The following KREMEN1 variants were observed in gnomAD, a reference collection of about 807,000 sequenced individuals.
The protein encoded by KREMEN1 is kringle containing transmembrane protein 1.
A neutral mutation model predicts 46.5 loss-of-function variants in KREMEN1; 30 were observed. The ratio of observed to expected loss-of-function variants is 0.65; its 90% CI spans 0.48 to 0.88. The LOEUF (loss-of-function observed/expected upper bound fraction) is 0.88. Among genes scored for constraint, KREMEN1 ranks in the 40% least tolerant of loss-of-function variants. KREMEN1 has a pLI of 0.00. For synonymous variants in KREMEN1, 214 were observed against 230.6 expected (o/e 0.93, Z 0.65); for missense variants, 533 against 596.9 (o/e 0.89, Z 1.11).
chr22:29,097,790 AC>A (rs576540350), intron 2 of KREMEN1, among the ~76,000 whole-genome samples: 392 of 152,290 alleles, frequency 2.6e-3, no homozygotes, highest in Non-Finnish European at 2.9e-3. Context: ...GTCTAGAGAT[AC>A]TTTATAAGAG....
In KREMEN1 at chr22:29,143,983, G is replaced by A. The variant is rs1030904141; in HGVS notation, c.*1871G>A. 5 of 985,352 alleles carry A rather than the reference G, an allele frequency of 5.1e-6. No homozygotes were observed. Among genetic ancestry groups the A allele is most frequent in the African/African-American group, 1.7e-5 (1 of 57,236 alleles). The allele number at this position is 985,352 out of a possible 1,614,324, so 61.0% of individuals were successfully genotyped here. A position where few individuals can be genotyped will look rare whatever the true frequency, so the allele number is the denominator to read the frequency against. On this transcript the variant is annotated 3_prime_UTR_variant, in exon 9 of 9. Coordinates refer to ENST00000400335, the MANE Select transcript of KREMEN1 (RefSeq NM_001039570.3). Reference sequence around the variant, plus strand: ...GAGTGCTGCAGCTGTAGTGGCTGCTGGTTGGGAGAGTAAGTGCCATCACTA... The same window carrying A: ...GAGTGCTGCAGCTGTAGTGGCTGCTAGTTGGGAGAGTAAGTGCCATCACTA...
At chr22:29,089,591 G>T (rs2037778186) in intron 1 of KREMEN1, among the ~76,000 whole-genome samples, 1 of 134,490 alleles carries the variant, frequency 7.4e-6, no homozygotes, top group African/African-American at 2.9e-5. Flanking sequence ...TAAAAGATAA[G>T]TCACAAAAAT....
At chr22:29,107,986 T>C (rs996034219) in intron 3 of KREMEN1, among the ~76,000 whole-genome samples, 1 of 152,210 alleles carries the variant, frequency 6.6e-6, no homozygotes, top group Non-Finnish European at 1.5e-5. Flanking sequence ...TAAAAGTGCT[T>C]GCTAAGTATT....
chr22:29,092,897 C>T (rs2037825358), intron 1 of KREMEN1, among the ~76,000 whole-genome samples: 1 of 152,186 alleles, frequency 6.6e-6, no homozygotes, highest in Non-Finnish European at 1.5e-5. Context: ...ATCGCTTGAA[C>T]CTGGGAGGCG....
At chr22:29,152,637 A>G (rs1402369496) in intron 9 of KREMEN1, among the ~76,000 whole-genome samples, 1 of 115,066 alleles carries the variant, frequency 8.7e-6, no homozygotes, top group Non-Finnish European at 1.8e-5. Context: ...GCACCCCTCC[A>G]CTCTCCCCCC....
In KREMEN1 at chr22:29,073,816, G is replaced by A. The variant is rs963969806; in HGVS notation, c.97+589G>A. 8.6e-5 allele frequency among the ~76,000 whole-genome samples: 13 copies of A among 151,464 alleles called. No individual in the cohort carries two copies. Among genetic ancestry groups the A allele is most frequent in the Admixed American group, 2.6e-4 (4 of 15,238 alleles). On this transcript the variant is annotated intron_variant, in intron 1 of 8. Transcript: ENST00000400335. The surrounding 1 kb of genome is among the most constrained non-coding windows in gnomAD (Gnocchi z 4.4). Reference sequence around the variant, plus strand: ...AGTCCCCAGCGACCCCTCCCGGGCCGGGACGACCCCTGCTCCCCAGTACCT... The same window carrying A: ...AGTCCCCAGCGACCCCTCCCGGGCCAGGACGACCCCTGCTCCCCAGTACCT...
chr22:29,151,693 A>AT (rs1050210489), downstream of KREMEN1, among the ~76,000 whole-genome samples: 16 of 152,142 alleles, frequency 1.1e-4, no homozygotes, highest in African/African-American at 2.9e-4. Context: ...TATTCTTTTG[A>AT]TTTTTTCCCC....
chr22:29,147,468 C>T (rs1303913934), downstream of KREMEN1, among the ~76,000 whole-genome samples: 2 of 152,310 alleles, frequency 1.3e-5, no homozygotes, highest in East Asian at 1.9e-4. Flanking sequence ...TGAGACAGCT[C>T]AGGCATGGAG....
intron 5 of KREMEN1, among the ~76,000 whole-genome samples, chr22:29,127,702 G>A (rs533789379): frequency 6.6e-6 from 1 of 151,610 alleles, no homozygotes; most frequent in South Asian, 2.1e-4. Flanking sequence ...TGAACAGAGA[G>A]TAACTGTATG....
exon 10 of KREMEN1, chr22:29,167,342 G>A (rs1481808041): frequency 3.7e-6 from 2 of 542,340 alleles, no homozygotes; most frequent in African/African-American, 3.8e-5. Context: ...CTGAGCAGCA[G>A]AGCGGGACCT....
intron 9 of KREMEN1, among the ~76,000 whole-genome samples, chr22:29,165,776 C>T (rs1278417659): frequency 2.0e-5 from 3 of 152,172 alleles, no homozygotes; most frequent in Non-Finnish European, 4.4e-5. Context: ...CCCCATTCAA[C>T]GCTGGACTCC....
chr22:29,103,163 C>T (rs1204339435), intron 3 of KREMEN1, among the ~76,000 whole-genome samples: 1 of 152,200 alleles, frequency 6.6e-6, no homozygotes, highest in East Asian at 1.9e-4. Flanking sequence ...TAATACTAAA[C>T]CTCTGCATGA....
chr22:29,129,345 TA>T lies in KREMEN1; in HGVS notation c.631+3940del, dbSNP rs372376872. Among the ~76,000 whole-genome samples, 288 of 141,066 alleles carry T rather than the reference TA, an allele frequency of 2.0e-3. 1 individual carries two copies. Among genetic ancestry groups the T allele is most frequent in the African/African-American group, 3.4e-3 (129 of 38,492 alleles). 92.5% of individuals were successfully genotyped at this position (141,066 alleles called of 152,430 possible). A position where few individuals can be genotyped will look rare whatever the true frequency, so the allele number is the denominator to read the frequency against. On this transcript the variant is annotated intron_variant, in intron 5 of 8. Coordinates refer to ENST00000400335, the MANE Select transcript of KREMEN1 (RefSeq NM_001039570.3). ...CTGGGCGACAGAGTGAGACTCCATC[TA>T]AAAAAAAAAAGGTCCATCTAGTAGA...
At chr22:29,130,592 T>C (rs903784664) in intron 5 of KREMEN1, among the ~76,000 whole-genome samples, 3 of 152,210 alleles carry the variant, frequency 2.0e-5, no homozygotes, top group Non-Finnish European at 2.9e-5. Flanking sequence ...TGGGACCCAT[T>C]TGGCTAAGGT....
In KREMEN1 at chr22:29,146,536, G is replaced by A. The variant is rs1369262778; in HGVS notation, c.*4424G>A. 29 of 985,548 alleles carry A rather than the reference G, an allele frequency of 2.9e-5. No homozygotes were observed. The highest frequency in any genetic ancestry group is 1.1e-4 in the East Asian group (1 of 8,822). 61.1% of individuals were successfully genotyped at this position (985,548 alleles called of 1,614,324 possible). On this transcript the variant is annotated 3_prime_UTR_variant, in exon 9 of 9. Transcript: ENST00000400335. ...AGCTGCCATCGTGGGTCTCATGCAC[G>A]TCAAGACCTTCCCACATCCAAACTC...
At chr22:29,117,447 G>T (rs2038260301) in intron 3 of KREMEN1, among the ~76,000 whole-genome samples, 1 of 151,994 alleles carries the variant, frequency 6.6e-6, no homozygotes, top group Non-Finnish European at 1.5e-5. Context: ...GGCGCCTATA[G>T]TCCCAGCTAC....
Position 29,138,723 on chromosome 22 carries a change from C to T in KREMEN1, c.1064C>T (p.Ser355Phe). Residue 355 changes from serine to phenylalanine, a missense_variant, in exon 7 of 9, where the codon TCC becomes TTC. By Grantham distance (155) the Ser-to-Phe change is radical (BLOSUM62 -2). Transcript: ENST00000400335. ...QANLSVSAAR[S>F]SKVLYVITTS... is the part of the protein sequence containing the mutation. Reference sequence around the variant, plus strand: ...AACCTCAGTGTCAGCGCTGCCCGGTCCTCCAAAGTCCTCTATGTCATCACC... The same window carrying T: ...AACCTCAGTGTCAGCGCTGCCCGGTTCTCCAAAGTCCTCTATGTCATCACC... The T allele has an allele frequency of 3.7e-6, 6 of 1,614,230 alleles. No homozygotes were observed. The highest frequency in any genetic ancestry group is 4.2e-6 in the Non-Finnish European group (5 of 1,180,050).
chr22:29,106,663 T>C (rs2038064929), intron 3 of KREMEN1, among the ~76,000 whole-genome samples: 1 of 152,172 alleles, frequency 6.6e-6, no homozygotes, highest in Non-Finnish European at 1.5e-5. Context: ...GCTAGACCAG[T>C]GCCTTTTCCT....
chr22:29,082,344 A>G (rs1601750013), intron 1 of KREMEN1, among the ~76,000 whole-genome samples: 3 of 152,312 alleles, frequency 2.0e-5, no homozygotes, highest in Admixed American at 2.0e-4. Context: ...AGGGTGAGCC[A>G]CTGCACCCAG....
Sources: allele counts gnomAD v4.1 joint callset (sites outside exome capture counted in the v4.1 genomes callset), GRCh38; gene constraint gnomAD v4.1.1; non-coding constraint Gnocchi (gnomAD v3.1); transcripts MANE v1.5; gene names NCBI Gene and HGNC (gene_info 2026-07-23, HGNC 2026-07-21).